Variants in PRKD1 observed in about 807,000 individuals in gnomAD.
The protein encoded by PRKD1 is serine/threonine-protein kinase D1.
PRKD1 carries 63 observed loss-of-function variants against 95.9 expected under a neutral mutation model. The observed-to-expected ratio is 0.66, with a 90% CI of 0.54 to 0.81. The LOEUF is 0.81. Among genes scored for constraint, PRKD1 ranks in the 30% least tolerant of loss-of-function variants. PRKD1 has a pLI of 0.00. For missense variants in PRKD1, 1,048 were observed against 1,165.3 expected, an observed-to-expected ratio of 0.90 and a Z score of 1.47; for synonymous variants, 425 against 423.1, an observed-to-expected ratio of 1.00 and a Z score of -0.05.
intron 1 of PRKD1, among the ~76,000 whole-genome samples, chr14:29,895,055 GGC>G (rs1894074556): frequency 6.6e-6 from 1 of 152,180 alleles, no homozygotes; most frequent in Non-Finnish European, 1.5e-5. Context: ...CAAATAGCCG[GGC>G]GCTGTGGCTC....
chr14:29,598,360 C>CA (rs1893392199), intron 15 of PRKD1, among the ~76,000 whole-genome samples: 1 of 150,180 alleles, frequency 6.7e-6, no homozygotes. Flanking sequence ...CTCCCTCCTC[C>CA]AAAAACCGAG....
At chr14:29,815,743 C>T (rs1421094881) in intron 1 of PRKD1, among the ~76,000 whole-genome samples, 5 of 152,146 alleles carry the variant, frequency 3.3e-5, no homozygotes, top group Admixed American at 6.5e-5. Flanking sequence ...TCTCAAATAG[C>T]GCAATTCCAG....
intron 2 of PRKD1, among the ~76,000 whole-genome samples, chr14:29,700,340 T>C (rs148136543): frequency 1.0e-3 from 157 of 152,330 alleles, no homozygotes; most frequent in East Asian, 8.5e-3. Flanking sequence ...GAATAAGAGC[T>C]GAATGAATTC....
intron 1 of PRKD1, among the ~76,000 whole-genome samples, chr14:29,879,297 C>T (rs987423408): frequency 4.6e-5 from 7 of 152,300 alleles, no homozygotes; most frequent in South Asian, 4.1e-4. Flanking sequence ...CGGTGGGGCG[C>T]GGGTAATTTA....
chr14:29,715,015 G>A (rs1012695507), intron 2 of PRKD1, among the ~76,000 whole-genome samples: 8 of 151,994 alleles, frequency 5.3e-5, no homozygotes, highest in South Asian at 2.1e-4. Context: ...TGTAGATGAC[G>A]GGTTGAGGGG....
At chr14:29,731,388 G>A (rs1886426342) in intron 1 of PRKD1, among the ~76,000 whole-genome samples, 1 of 152,158 alleles carries the variant, frequency 6.6e-6, no homozygotes, top group Non-Finnish European at 1.5e-5. Context: ...TATTCTATGT[G>A]CATCTGAAAA....
intron 1 of PRKD1, among the ~76,000 whole-genome samples, chr14:29,914,304 G>T (rs1403524229): frequency 6.6e-6 from 1 of 152,204 alleles, no homozygotes; most frequent in Non-Finnish European, 1.5e-5. Context: ...TACTTAGCTG[G>T]TGATTGATCA....
intron 1 of PRKD1, among the ~76,000 whole-genome samples, chr14:29,916,679 C>A (rs890130637): frequency 6.6e-6 from 1 of 152,172 alleles, no homozygotes; most frequent in African/African-American, 2.4e-5. Flanking sequence ...GAGACACAGA[C>A]CAAGCCTTCC....
Position 29,826,746 on chromosome 14 carries a change from C to T in PRKD1, c.264+100503G>A, listed in dbSNP as rs796295023. 7.8e-3 allele frequency among the ~76,000 whole-genome samples: 382 copies of T among 49,184 alleles called. 48 individuals are homozygous for T. The highest frequency in any genetic ancestry group is 0.034 in the African/African-American group (362 of 10,786). 32.3% of individuals were successfully genotyped at this position (49,184 alleles called of 152,430 possible). On this transcript the variant is annotated intron_variant, in intron 1 of 17. Coordinates refer to ENST00000331968, the MANE Select transcript of PRKD1 (RefSeq NM_002742.3). ...ACATATATATACACATATATATACA[C>T]ATATATATATACATATATATATACA... is the stretch of plus-strand genomic sequence containing the variant.
intron 2 of PRKD1, among the ~76,000 whole-genome samples, chr14:29,672,966 G>C (rs1882953031): frequency 6.6e-6 from 1 of 152,062 alleles, no homozygotes; most frequent in South Asian, 2.1e-4. Flanking sequence ...TGATAGCAGG[G>C]CTAAAGCCTT....
intron 1 of PRKD1, among the ~76,000 whole-genome samples, chr14:29,751,977 A>T (rs1887497985): frequency 6.6e-6 from 1 of 152,200 alleles, no homozygotes; most frequent in Admixed American, 6.5e-5. Flanking sequence ...CCAAGAATTC[A>T]CTTGTCACTT....
chr14:29,719,246 C>G (rs1885770229), intron 2 of PRKD1, among the ~76,000 whole-genome samples: 1 of 152,078 alleles, frequency 6.6e-6, no homozygotes, highest in Admixed American at 6.6e-5. Context: ...TGCAGTGACA[C>G]TGTTATATTG....
At chr14:29,610,803 G>A (rs554971129) in intron 13 of PRKD1, among the ~76,000 whole-genome samples, 1 of 152,194 alleles carries the variant, frequency 6.6e-6, no homozygotes, top group South Asian at 2.1e-4. Context: ...GTACATCCAG[G>A]GAATATTATT....
intron 2 of PRKD1, among the ~76,000 whole-genome samples, chr14:29,686,585 G>A (rs45565231): frequency 0.2 from 30,712 of 152,070 alleles, 3,149 homozygotes; most frequent in South Asian, 0.24. Context: ...TCTGATACAC[G>A]TTCTACTCTA....
chr14:29,793,281 CA>C lies in PRKD1; in HGVS notation c.265-67608del, dbSNP rs1020997695. On this transcript the variant is annotated intron_variant, in intron 1 of 17. Coordinates refer to ENST00000331968, the MANE Select transcript of PRKD1 (RefSeq NM_002742.3). Reference sequence around the variant, plus strand: ...ATAGTAGTCATCTTTAAGCTGTTGACAAAAAAAAAATGTCCACAGGAAAAAA... The same window carrying C: ...ATAGTAGTCATCTTTAAGCTGTTGACAAAAAAAAATGTCCACAGGAAAAAA... Among the ~76,000 whole-genome samples the C allele has an allele frequency of 3.7e-4, 54 of 144,096 alleles. 1 individual carries two copies. The highest frequency in any genetic ancestry group is 8.8e-4 in the South Asian group (4 of 4,542). 94.5% of individuals were successfully genotyped at this position (144,096 alleles called of 152,430 possible).
At chr14:29,634,593 GTATTTT>G in intron 7 of PRKD1, 52 bp from the exon 8 acceptor site, 2 of 1,603,682 alleles carry the variant, frequency 1.2e-6, no homozygotes, top group Non-Finnish European at 1.7e-6. Flanking sequence ...TACATTTTAT[GTATTTT>G]CATGCATAAA....
chr14:29,908,698 A>G (rs958470779), intron 1 of PRKD1, among the ~76,000 whole-genome samples: 2 of 152,248 alleles, frequency 1.3e-5, no homozygotes, highest in African/African-American at 4.8e-5. Flanking sequence ...AGTTAAATAT[A>G]CTGCAATAAA....
At chr14:29,809,773 G>T (rs904106659) in intron 1 of PRKD1, among the ~76,000 whole-genome samples, 2 of 152,140 alleles carry the variant, frequency 1.3e-5, no homozygotes, top group South Asian at 4.1e-4. Flanking sequence ...CAGTACTAAG[G>T]CTGTTTTGTT....
intron 2 of PRKD1, among the ~76,000 whole-genome samples, chr14:29,675,874 C>T (rs1594417743): frequency 6.6e-6 from 1 of 150,534 alleles, no homozygotes; most frequent in South Asian, 2.1e-4. Flanking sequence ...CAAACTATCG[C>T]AAGGACAAAA....
Sources: gnomAD v4.1 joint callset for allele counts (sites outside exome capture counted in the v4.1 genomes callset) on GRCh38, gnomAD v4.1.1 for gene constraint, MANE v1.5 for transcripts, NCBI Gene and HGNC (gene_info 2026-07-23, HGNC 2026-07-21) for gene names.